Variants in RCAN2 observed in about 807,000 individuals in gnomAD.
RCAN2 encodes the protein regulator of calcineurin 2, also known as calcipressin-2.
RCAN2 carries 9 observed loss-of-function variants against 23.6 expected under a neutral mutation model. The observed-to-expected ratio is 0.38, with a 90% CI of 0.23 to 0.67. RCAN2 has a LOEUF of 0.67. Among genes scored for constraint, RCAN2 ranks in the 30% least tolerant of loss-of-function variants. RCAN2 has a pLI of 0.51. For missense variants in RCAN2, 273 were observed against 302.3 expected, an observed-to-expected ratio of 0.90 and a Z score of 0.72; for synonymous variants, 109 against 115.7, an observed-to-expected ratio of 0.94 and a Z score of 0.37.
intron 1 of RCAN2, among the ~76,000 whole-genome samples, chr6:46,488,000 C>T (rs1769042546): frequency 6.6e-6 from 1 of 152,114 alleles, no homozygotes; most frequent in South Asian, 2.1e-4. Context: ...ATAACAAAAG[C>T]CTGAGATGGG....
chr6:46,230,121 CT>C (rs1026221202), intron 4 of RCAN2, among the ~76,000 whole-genome samples: 3 of 152,192 alleles, frequency 2.0e-5, no homozygotes, highest in African/African-American at 7.2e-5. Flanking sequence ...ATGTTGCTGC[CT>C]GATCCTTCCT....
At chr6:46,359,856 C>T (rs1293435258) in intron 2 of RCAN2, among the ~76,000 whole-genome samples, 1 of 152,098 alleles carries the variant, frequency 6.6e-6, no homozygotes, top group African/African-American at 2.4e-5. Context: ...TATACAGATG[C>T]TAGAACCAAA....
At chr6:46,311,292 T>C (rs1219930162) in intron 2 of RCAN2, among the ~76,000 whole-genome samples, 1 of 152,190 alleles carries the variant, frequency 6.6e-6, no homozygotes, top group African/African-American at 2.4e-5. Flanking sequence ...ATGGGTTCTG[T>C]TGCATCTAAA....
chr6:46,426,902 G>A (rs1767047531), intron 2 of RCAN2, among the ~76,000 whole-genome samples: 2 of 152,190 alleles, frequency 1.3e-5, no homozygotes, highest in African/African-American at 2.4e-5. Context: ...GCAAGTAGAG[G>A]ATAGGGTTTA....
intron 2 of RCAN2, among the ~76,000 whole-genome samples, chr6:46,307,484 A>G (rs539501595): frequency 2.6e-5 from 4 of 152,244 alleles, no homozygotes; most frequent in African/African-American, 7.2e-5. Context: ...GCTGAAAAAA[A>G]TGAACCTCAA....
At chr6:46,225,670 A>G (rs1348877843) in intron 4 of RCAN2, among the ~76,000 whole-genome samples, 1 of 152,106 alleles carries the variant, frequency 6.6e-6, no homozygotes, top group Non-Finnish European at 1.5e-5. Context: ...AGTTCTTTGT[A>G]GATTCTGGAT....
At chr6:46,384,432 T>C (rs1166532164) in intron 2 of RCAN2, among the ~76,000 whole-genome samples, 1 of 152,242 alleles carries the variant, frequency 6.6e-6, no homozygotes, top group Non-Finnish European at 1.5e-5. Flanking sequence ...AAGTAAATTT[T>C]GAAGGTGTTC....
intron 2 of RCAN2, among the ~76,000 whole-genome samples, chr6:46,412,297 A>G (rs1422512806): frequency 2.6e-5 from 4 of 152,174 alleles, no homozygotes; most frequent in African/African-American, 9.7e-5. Context: ...TGGGATATCT[A>G]GAGTCTGTTT....
chr6:46,323,578 C>G (rs955656896), intron 2 of RCAN2, among the ~76,000 whole-genome samples: 28 of 152,154 alleles, frequency 1.8e-4, no homozygotes, highest in African/African-American at 6.3e-4. Context: ...CATAGAGAAC[C>G]TACTGCAGTC....
At position 46,247,259 on chromosome 6, in the gene RCAN2, A is replaced by G. The variant is rs114826877; in HGVS notation, c.400-340T>C. 2.9e-3 allele frequency among the ~76,000 whole-genome samples: 442 copies of G among 152,302 alleles called. 3 individuals carry two copies. The highest frequency in any genetic ancestry group is 0.01 in the African/African-American group (419 of 41,552). On this transcript the variant is annotated intron_variant, in intron 3 of 4. Transcript: ENST00000371374. ...TCCCCAGGCTATGCTGTTGGCTGCC[A>G]GTCCACTGTCCCACCACGCACCTGC...
intron 1 of RCAN2, among the ~76,000 whole-genome samples, chr6:46,458,268 A>T (rs143697121): frequency 1.2e-4 from 18 of 152,214 alleles, no homozygotes; most frequent in African/African-American, 3.4e-4. Flanking sequence ...GTTTCTGCTT[A>T]TCTCTCTCTT....
At chr6:46,276,087 T>C (rs977611132) in intron 2 of RCAN2, among the ~76,000 whole-genome samples, 1 of 152,160 alleles carries the variant, frequency 6.6e-6, no homozygotes, top group African/African-American at 2.4e-5. Context: ...GCACCTGTAG[T>C]GCCAGCTACT....
intron 2 of RCAN2, among the ~76,000 whole-genome samples, chr6:46,254,550 G>A (rs150032431): frequency 1.0e-3 from 156 of 152,216 alleles, no homozygotes; most frequent in Middle Eastern, 0.01. Context: ...AGAAAAAGCT[G>A]GAAAAAGAGT....
intron 1 of RCAN2, among the ~76,000 whole-genome samples, chr6:46,484,956 T>G (rs892616716): frequency 4.6e-5 from 7 of 152,214 alleles, no homozygotes; most frequent in Admixed American, 2.6e-4. Context: ...AGGTGACATC[T>G]GTATTCTCCT....
At chr6:46,239,856 T>C (rs985291452) in intron 4 of RCAN2, among the ~76,000 whole-genome samples, 1 of 152,116 alleles carries the variant, frequency 6.6e-6, no homozygotes, top group Non-Finnish European at 1.5e-5. Context: ...CAACCCTTCC[T>C]GAGACATTTA....
intron 3 of RCAN2, among the ~76,000 whole-genome samples, 191 bp downstream of exon 3, chr6:46,248,532 C>G (rs1766600070): frequency 6.6e-6 from 1 of 152,110 alleles, no homozygotes; most frequent in East Asian, 1.9e-4. Flanking sequence ...CTCTGGTAGG[C>G]AGCTCTCAGA....
At chr6:46,411,598 GA>G (rs1363670760) in intron 2 of RCAN2, among the ~76,000 whole-genome samples, 1 of 152,102 alleles carries the variant, frequency 6.6e-6, no homozygotes, top group Non-Finnish European at 1.5e-5. Context: ...TTGGGAGACA[GA>G]AAAATGAGCC....
At chr6:46,424,705 G>A (rs978062998) in intron 2 of RCAN2, among the ~76,000 whole-genome samples, 3 of 152,128 alleles carry the variant, frequency 2.0e-5, no homozygotes, top group Non-Finnish European at 2.9e-5. Flanking sequence ...CTGACAGACT[G>A]TGTGACCTGG....
chr6:46,239,595 G>A (rs1181130050), intron 4 of RCAN2, among the ~76,000 whole-genome samples: 1 of 152,072 alleles, frequency 6.6e-6, no homozygotes, highest in Non-Finnish European at 1.5e-5. Flanking sequence ...GAAATAATTG[G>A]GGTTCTCTTT....
Sources: allele counts gnomAD v4.1 joint callset (sites outside exome capture counted in the v4.1 genomes callset), GRCh38; gene constraint gnomAD v4.1.1; transcripts MANE v1.5; gene names NCBI Gene and HGNC (gene_info 2026-07-23, HGNC 2026-07-21).